ZNF429: variants seen among roughly 807,000 people sequenced by gnomAD.
ZNF429 encodes zinc finger protein 429.
A neutral mutation model predicts 56.8 loss-of-function variants in ZNF429; 53 were observed. The ratio of observed to expected loss-of-function variants is 0.93; its 90% confidence interval spans 0.75 to 1.17. The LOEUF (loss-of-function observed/expected upper bound fraction) is 1.17, where lower values mean the gene tolerates loss of function less well. Among genes scored for constraint, ZNF429 ranks in the 50% most tolerant of loss-of-function variants. The pLI is 0.00. For missense variants in ZNF429, 849 were observed against 788.4 expected (o/e 1.08, Z -0.92); for synonymous variants, 278 against 264.7 (o/e 1.05, Z -0.49).
chr19:21,512,662 C>CAAAAAAAAAAAAAAAAAAA, intron 1 of ZNF429, among the ~76,000 whole-genome samples: 1 of 81,378 alleles, frequency 1.2e-5, no homozygotes, highest in Non-Finnish European at 2.3e-5. Flanking sequence ...GACTCCATCT[C>CAAAAAAAAAAAAAAAAAAA]AAAAAAAAAA....
chr19:21,526,543 C>G (rs1246211485), intron 1 of ZNF429, among the ~76,000 whole-genome samples: 1 of 152,202 alleles, frequency 6.6e-6, no homozygotes, highest in Admixed American at 6.5e-5. Context: ...TAATAGTTGT[C>G]AAACTCAGAG....
At chr19:21,535,401 CTTTCT>C in intron 3 of ZNF429, among the ~76,000 whole-genome samples, 3 of 26,396 alleles carry the variant, frequency 1.1e-4, no homozygotes, top group African/African-American at 4.1e-4. Flanking sequence ...TTCTTTCTTT[CTTTCT>C]TTTTCTTTTC....
At chr19:21,511,225 C>G (rs949556497) in intron 1 of ZNF429, among the ~76,000 whole-genome samples, 1 of 151,802 alleles carries the variant, frequency 6.6e-6, no homozygotes, top group African/African-American at 2.4e-5. Context: ...CCCCACCTCC[C>G]TCCCGGACGG....
chr19:21,511,713 G>A (rs1056051452), intron 1 of ZNF429, among the ~76,000 whole-genome samples: 1 of 151,860 alleles, frequency 6.6e-6, no homozygotes, highest in Admixed American at 6.6e-5. Context: ...CACTTTGGGA[G>A]GCCAAGGCAG....
chr19:21,531,273 G>A, intron 3 of ZNF429, among the ~76,000 whole-genome samples: 1 of 151,916 alleles, frequency 6.6e-6, no homozygotes, highest in African/African-American at 2.4e-5. Context: ...CCCTAGTACA[G>A]ACCCCGCAGC....
At chr19:21,535,307 C>CTTTCTTTCTTTCTTTCTTTCTTTCTCT in intron 3 of ZNF429, among the ~76,000 whole-genome samples, 3 of 128,784 alleles carry the variant, frequency 2.3e-5, no homozygotes, top group African/African-American at 3.5e-5. Flanking sequence ...TTCTTTCTTT[C>CTTTCTTTCTTTCTTTCTTTCTTTCTCT]TTTCTTTCTT....
At chr19:21,529,585 T>C in intron 1 of ZNF429, 73 bp from the exon 2 acceptor site, 8 of 1,318,402 alleles carry the variant, frequency 6.1e-6, no homozygotes, top group Non-Finnish European at 7.8e-6. Context: ...AATAAAAAAT[T>C]CTACCCATGG....
Position 21,505,711 on chromosome 19 carries a change from G to T in ZNF429, c.-61G>T. On this transcript the variant is annotated 5_prime_UTR_variant, in exon 1 of 4. Transcript: ENST00000358491. ...TTAGAGGCCCAGCCTGTGTGGCCCTGTGACCCGCAGATATTGGGAGATACA... is the reference window on the plus strand; with the variant it reads ...TTAGAGGCCCAGCCTGTGTGGCCCTTTGACCCGCAGATATTGGGAGATACA... 1 of 1,590,846 alleles carries T rather than the reference G, an allele frequency of 6.3e-7. No individual in the cohort carries two copies.
intron 3 of ZNF429, among the ~76,000 whole-genome samples, chr19:21,533,986 A>G: frequency 1.2e-4 from 19 of 152,138 alleles, no homozygotes; most frequent in African/African-American, 4.6e-4. Context: ...TGTGTATTCT[A>G]TTCTTTCATC....
At chr19:21,511,976 C>G (rs2032502642) in intron 1 of ZNF429, among the ~76,000 whole-genome samples, 1 of 152,094 alleles carries the variant, frequency 6.6e-6, no homozygotes, top group South Asian at 2.1e-4. Flanking sequence ...ACTCGGCAGG[C>G]TGAGGCAGGA....
In ZNF429 at chr19:21,538,774, T is replaced by A. The variant is rs1213848311; in HGVS notation, c.*696T>A. The A allele has an allele frequency of 6.6e-6, 1 of 152,248 alleles. No individual in the cohort carries two copies. Among genetic ancestry groups the A allele is most frequent in the East Asian group, 1.9e-4 (1 of 5,204 alleles). 9.4% of individuals were successfully genotyped at this position (152,248 alleles called of 1,614,324 possible). ...AAAATGTGGAAAAGCCATTAAAATC[T>A]GTTCACATCTTAACAACAGAGAGTT... is the stretch of plus-strand genomic sequence containing the variant. On this transcript the variant is annotated 3_prime_UTR_variant, in exon 4 of 4. Transcript: ENST00000358491.
At chr19:21,510,909 A>G (rs947149476) in intron 1 of ZNF429, among the ~76,000 whole-genome samples, 4 of 152,094 alleles carry the variant, frequency 2.6e-5, no homozygotes, top group African/African-American at 9.7e-5. Context: ...AAGGTCATAG[A>G]TCAACAGGAT....
At chr19:21,505,867 C>T in intron 1 of ZNF429, 93 bp downstream of exon 1, 2 of 1,414,358 alleles carry the variant, frequency 1.4e-6, no homozygotes, top group Non-Finnish European at 9.9e-7. Flanking sequence ...TCCCGGCAGT[C>T]AGCTCCACAA....
intron 1 of ZNF429, among the ~76,000 whole-genome samples, chr19:21,512,537 G>A (rs1041792639): frequency 4.0e-5 from 6 of 151,748 alleles, no homozygotes; most frequent in East Asian, 3.9e-4. Context: ...GGTGGCGGGC[G>A]CCTGTAATCC....
At chr19:21,536,176 C>T in intron 3 of ZNF429, 104 bp from the exon 4 acceptor site, 2 of 1,180,882 alleles carry the variant, frequency 1.7e-6, no homozygotes, top group Non-Finnish European at 2.3e-6. Flanking sequence ...TTTTGCTATG[C>T]TGTGTTGCTT....
chr19:21,512,171 C>T (rs1461962261), intron 1 of ZNF429, among the ~76,000 whole-genome samples: 3 of 152,018 alleles, frequency 2.0e-5, no homozygotes, highest in Non-Finnish European at 4.4e-5. Context: ...CTTTTTAGAC[C>T]ATACAGAGTA....
At chr19:21,523,859 TTTGA>T (rs1171946233) in intron 1 of ZNF429, among the ~76,000 whole-genome samples, 1 of 151,536 alleles carries the variant, frequency 6.6e-6, no homozygotes, top group Non-Finnish European at 1.5e-5. Flanking sequence ...AGATCTCTCC[TTTGA>T]TTGTTGTGTG....
chr19:21,505,846 G>T, intron 1 of ZNF429, 72 bp downstream of exon 1: 3 of 1,550,322 alleles, frequency 1.9e-6, no homozygotes, highest in Non-Finnish European at 2.7e-6. Flanking sequence ...TGGCCGTGGC[G>T]GACTTAGGTC....
In ZNF429 at chr19:21,540,079, T is replaced by G. The variant is rs1460722239; in HGVS notation, c.*2001T>G. 6.6e-6 allele frequency among the ~76,000 whole-genome samples: 1 copy of G among 152,232 alleles called. No individual in the cohort carries two copies. Among genetic ancestry groups the G allele is most frequent in the African/African-American group, 2.4e-5 (1 of 41,466 alleles). On this transcript the variant is annotated 3_prime_UTR_variant, in exon 4 of 4. Transcript: ENST00000358491. ...GTTAAAAGTGAATTTATAATAAAAT[T>G]GTAAATCATTTTAGTGATTGAGCTT...
Sources: gnomAD v4.1 joint callset for allele counts (sites outside exome capture counted in the v4.1 genomes callset) on GRCh38, gnomAD v4.1.1 for gene constraint, MANE v1.5 for transcripts, NCBI Gene and HGNC (gene_info 2026-07-23, HGNC 2026-07-21) for gene names.